SGCZ: variants seen among roughly 807,000 people sequenced by gnomAD.
SGCZ encodes zeta-sarcoglycan.
SGCZ carries 40 observed loss-of-function variants against 41.3 expected under a neutral mutation model. The observed-to-expected ratio is 0.97, with a 90% confidence interval of 0.75 to 1.26. The LOEUF (loss-of-function observed/expected upper bound fraction) is 1.26. Ranked by LOEUF, SGCZ falls within the 50% of genes most tolerant of loss-of-function variation. The pLI is 0.00. For synonymous variants in SGCZ, 206 were observed against 137.5 expected (o/e 1.50, Z -3.49); for missense variants, 552 against 369.8 (o/e 1.49, Z -4.04).
At chr8:14,299,785 A>C (rs888095016) in intron 3 of SGCZ, among the ~76,000 whole-genome samples, 1 of 151,990 alleles carries the variant, frequency 6.6e-6, no homozygotes, top group African/African-American at 2.4e-5. Flanking sequence ...CTCTATGACC[A>C]AGAAATTTAT....
chr8:14,621,385 A>C (rs557375337), intron 1 of SGCZ, among the ~76,000 whole-genome samples: 29 of 152,174 alleles, frequency 1.9e-4, no homozygotes, highest in African/African-American at 6.7e-4. Context: ...ATGTATACAT[A>C]TGTAACAAAC....
chr8:14,464,402 T>C lies in SGCZ; in HGVS notation c.234+90330A>G, dbSNP rs1002086796. On this transcript the variant is annotated intron_variant, in intron 2 of 7. Coordinates refer to ENST00000382080, the MANE Select transcript of SGCZ (RefSeq NM_139167.4). ...CCAATTTTTAGTTCACAGTTGCATGTAGGACTCTTATAATCCTTTTTATAA... is the reference window on the plus strand; with the variant it reads ...CCAATTTTTAGTTCACAGTTGCATGCAGGACTCTTATAATCCTTTTTATAA... Among the ~76,000 whole-genome samples the C allele has an allele frequency of 4.6e-5, 7 of 151,608 alleles. No individual in the cohort carries two copies. In the East Asian group the frequency reaches 7.7e-4, roughly 17 times the overall value.
chr8:14,736,579 G>T (rs1219595823), intron 1 of SGCZ, among the ~76,000 whole-genome samples: 1 of 152,022 alleles, frequency 6.6e-6, no homozygotes, highest in East Asian at 1.9e-4. Context: ...CCCATCACCT[G>T]AGCAGTACAC....
intron 5 of SGCZ, among the ~76,000 whole-genome samples, chr8:14,157,693 C>A (rs755492071): frequency 5.3e-5 from 8 of 151,796 alleles, no homozygotes; most frequent in Non-Finnish European, 1.2e-4. Flanking sequence ...AATAGTACTT[C>A]TTACTAGGTA....
intron 4 of SGCZ, among the ~76,000 whole-genome samples, chr8:14,203,948 C>T (rs952979345): frequency 6.6e-6 from 1 of 150,822 alleles, no homozygotes; most frequent in African/African-American, 2.4e-5. Context: ...GAGGGGAGAC[C>T]TGTAAGAATT....
intron 1 of SGCZ, among the ~76,000 whole-genome samples, chr8:14,705,853 G>T (rs920053914): frequency 6.6e-6 from 1 of 151,920 alleles, no homozygotes; most frequent in African/African-American, 2.4e-5. Context: ...GTAATCCATT[G>T]TAACTTTCTG....
chr8:15,132,690 TG>T (rs1459903707), intron 1 of SGCZ, among the ~76,000 whole-genome samples: 1 of 152,200 alleles, frequency 6.6e-6, no homozygotes, highest in Non-Finnish European at 1.5e-5. Flanking sequence ...TGAGGAATTT[TG>T]AAAGCCAGTT....
At chr8:14,499,783 T>C (rs1457193689) in intron 2 of SGCZ, among the ~76,000 whole-genome samples, 2 of 144,430 alleles carry the variant, frequency 1.4e-5, no homozygotes, top group South Asian at 2.1e-4. Flanking sequence ...ATATATCAAC[T>C]GCCTTCCTTT....
chr8:14,992,113 A>T (rs1802034470), intron 1 of SGCZ, among the ~76,000 whole-genome samples: 1 of 148,284 alleles, frequency 6.7e-6, no homozygotes, highest in African/African-American at 2.5e-5. Flanking sequence ...TCCCAAATCT[A>T]TTCCCAAAGC....
intron 1 of SGCZ, among the ~76,000 whole-genome samples, chr8:14,637,260 A>G (rs928720852): frequency 6.6e-6 from 1 of 151,666 alleles, no homozygotes; most frequent in Non-Finnish European, 1.5e-5. Context: ...CAGCACTTCA[A>G]TTCATTATGT....
intron 3 of SGCZ, among the ~76,000 whole-genome samples, chr8:14,244,085 G>A (rs1798989426): frequency 6.6e-6 from 1 of 152,080 alleles, no homozygotes; most frequent in African/African-American, 2.4e-5. Flanking sequence ...GGGTTTAAGT[G>A]GATTTGTGTT....
rs149931383 is a variant in SGCZ, at chr8:14,252,852, A to G, written c.337-15173T>C. Among the ~76,000 whole-genome samples the G allele has an allele frequency of 6.3e-4, 96 of 151,696 alleles. 1 individual carries two copies. In the East Asian group the frequency reaches 0.018, roughly 28 times the overall value. On this transcript the variant is annotated intron_variant, in intron 3 of 7. Transcript: ENST00000382080. ...GCTTTCATTTTCTACTATTTTTTCA[A>G]CTCCCTGTTTCTGAAATTTACTTCA...
intron 3 of SGCZ, among the ~76,000 whole-genome samples, chr8:14,262,330 T>A (rs992395945): frequency 1.3e-5 from 2 of 152,200 alleles, no homozygotes; most frequent in Admixed American, 1.3e-4. Context: ...TTACGTTGTT[T>A]AAATAATTCT....
chr8:14,112,343 G>C (rs532410958), intron 5 of SGCZ, among the ~76,000 whole-genome samples: 11 of 151,166 alleles, frequency 7.3e-5, no homozygotes, highest in African/African-American at 1.5e-4. Context: ...ATGTGAAAGA[G>C]CAACTACAAG....
intron 4 of SGCZ, among the ~76,000 whole-genome samples, chr8:14,179,612 G>C (rs922286282): frequency 6.6e-6 from 1 of 152,112 alleles, no homozygotes; most frequent in African/African-American, 2.4e-5. Flanking sequence ...TCTACAAATA[G>C]TCATGGATGG....
At chr8:14,180,719 A>G (rs1804694649) in intron 4 of SGCZ, among the ~76,000 whole-genome samples, 1 of 152,026 alleles carries the variant, frequency 6.6e-6, no homozygotes, top group African/African-American at 2.4e-5. Context: ...GGCCTTTAAA[A>G]CAGGCCTGAC....
intron 3 of SGCZ, among the ~76,000 whole-genome samples, chr8:14,280,956 T>C (rs995862566): frequency 5.9e-5 from 9 of 151,812 alleles, no homozygotes; most frequent in African/African-American, 2.2e-4. Context: ...TTTTTTCTAA[T>C]TTGATAACCA....
chr8:14,743,159 G>C (rs1226091832), intron 1 of SGCZ, among the ~76,000 whole-genome samples: 1 of 151,968 alleles, frequency 6.6e-6, no homozygotes, highest in East Asian at 1.9e-4. Flanking sequence ...ATATGTTAGT[G>C]AATGCCCCCA....
chr8:15,212,377 A>T (rs1193407873), intron 1 of SGCZ, among the ~76,000 whole-genome samples: 1 of 152,090 alleles, frequency 6.6e-6, no homozygotes, highest in East Asian at 1.9e-4. Context: ...TAATTTTGTG[A>T]TCAGCCCAAC....
Sources: gnomAD v4.1 joint callset for allele counts (sites outside exome capture counted in the v4.1 genomes callset) on GRCh38, gnomAD v4.1.1 for gene constraint, MANE v1.5 for transcripts, NCBI Gene and HGNC (gene_info 2026-07-23, HGNC 2026-07-21) for gene names.